Variants in SEMA6D observed in about 807,000 individuals in gnomAD.
SEMA6D encodes the protein semaphorin-6D.
SEMA6D carries 35 observed loss-of-function variants against 106.6 expected under a neutral mutation model. That is an observed-to-expected ratio of 0.33 (90% CI 0.25 to 0.44). The LOEUF (loss-of-function observed/expected upper bound fraction) is 0.44. SEMA6D is among the 20% of genes least tolerant of loss of function. The pLI is 1.00. For missense variants in SEMA6D, 1,185 were observed against 1,345.9 expected, an observed-to-expected ratio of 0.88 and a Z score of 1.87; for synonymous variants, 499 against 487.7, an observed-to-expected ratio of 1.02 and a Z score of -0.31.
intron 1 of SEMA6D, among the ~76,000 whole-genome samples, chr15:47,274,592 G>C (rs1439418381): frequency 1.3e-5 from 2 of 152,178 alleles, no homozygotes; most frequent in South Asian, 2.1e-4. Context: ...GAAGTAGACT[G>C]TGTGAAAAGA....
chr15:47,429,571 A>G (rs1310310018), intron 2 of SEMA6D, among the ~76,000 whole-genome samples: 1 of 152,228 alleles, frequency 6.6e-6, no homozygotes, highest in East Asian at 1.9e-4. Context: ...CAGAACACCA[A>G]CAAAATTATG....
chr15:47,759,092 G>A (rs1455886347), intron 1 of SEMA6D, among the ~76,000 whole-genome samples: 1 of 152,094 alleles, frequency 6.6e-6, no homozygotes, highest in Non-Finnish European at 1.5e-5. Context: ...GCCTTGCTTT[G>A]CTTGATTGGT....
chr15:47,413,604 C>G (rs940249093), intron 2 of SEMA6D, among the ~76,000 whole-genome samples: 3 of 152,058 alleles, frequency 2.0e-5, no homozygotes, highest in African/African-American at 7.2e-5. Flanking sequence ...CCACCTCAGC[C>G]TCCTGAGTAG....
chr15:47,293,401 GT>G (rs1312101731), intron 1 of SEMA6D, among the ~76,000 whole-genome samples: 5 of 152,138 alleles, frequency 3.3e-5, no homozygotes, highest in African/African-American at 1.2e-4. Context: ...ACAATTGTGC[GT>G]TGTTGCATTT....
At chr15:47,653,468 A>G (rs1218942968) in intron 4 of SEMA6D, among the ~76,000 whole-genome samples, 2 of 152,244 alleles carry the variant, frequency 1.3e-5, no homozygotes, top group Non-Finnish European at 2.9e-5. Context: ...CAAGACCTTT[A>G]GAGAACAGAG....
At chr15:47,614,392 T>A (rs1374807935) in intron 4 of SEMA6D, among the ~76,000 whole-genome samples, 1 of 152,236 alleles carries the variant, frequency 6.6e-6, no homozygotes, top group Admixed American at 6.5e-5. Flanking sequence ...TGCTGCTGTT[T>A]GTTGTATCAA....
intron 1 of SEMA6D, among the ~76,000 whole-genome samples, chr15:47,410,190 C>T (rs906190650): frequency 4.6e-5 from 7 of 151,622 alleles, no homozygotes; most frequent in Non-Finnish European, 8.8e-5. Flanking sequence ...CTCCATGTTG[C>T]CCAAGCTGGT....
chr15:47,701,467 A>C (rs1191023129), intron 4 of SEMA6D, among the ~76,000 whole-genome samples: 2 of 152,168 alleles, frequency 1.3e-5, no homozygotes, highest in Non-Finnish European at 2.9e-5. Context: ...TATAGTTAAT[A>C]ACAATGAATT....
intron 4 of SEMA6D, among the ~76,000 whole-genome samples, chr15:47,680,385 C>T (rs1268846776): frequency 2.6e-5 from 4 of 152,134 alleles, no homozygotes; most frequent in Admixed American, 6.5e-5. Context: ...GGGGTCACTT[C>T]GTTTATGAAT....
At chr15:47,769,235 A>G (rs2082505371) in intron 18 of SEMA6D, among the ~76,000 whole-genome samples, 2 of 152,310 alleles carry the variant, frequency 1.3e-5, no homozygotes, top group East Asian at 1.9e-4. Context: ...GTGCTCGTCC[A>G]TAACTATCAT....
chr15:47,365,986 A>G (rs1022188496), intron 1 of SEMA6D, among the ~76,000 whole-genome samples: 2 of 152,164 alleles, frequency 1.3e-5, no homozygotes, highest in Admixed American at 1.3e-4. Context: ...AGAACCTACC[A>G]CGTTTTTTTC....
chr15:47,346,952 A>C (rs1321025380), intron 1 of SEMA6D, among the ~76,000 whole-genome samples: 2 of 151,714 alleles, frequency 1.3e-5, no homozygotes, highest in African/African-American at 4.8e-5. Flanking sequence ...TCTGTCACCC[A>C]GGCTGGAGTG....
chr15:47,543,464 G>A (rs893625581), intron 3 of SEMA6D, among the ~76,000 whole-genome samples: 3 of 152,020 alleles, frequency 2.0e-5, no homozygotes, highest in African/African-American at 4.8e-5. Context: ...CTCCTCATTC[G>A]CCTTCAGCCA....
At chr15:47,475,383 G>A (rs906113783) in intron 3 of SEMA6D, among the ~76,000 whole-genome samples, 1 of 152,150 alleles carries the variant, frequency 6.6e-6, no homozygotes, top group East Asian at 1.9e-4. Flanking sequence ...AGAATGTCTT[G>A]AAGGTTCTAT....
In SEMA6D at chr15:47,474,895, C is replaced by T. The variant is rs563312138; in HGVS notation, c.-87+4350C>T. 5.3e-5 allele frequency among the ~76,000 whole-genome samples: 8 copies of T among 152,194 alleles called. No individual in the cohort carries two copies. The South Asian group carries it at 1.5e-3, about 28-fold the overall frequency. On this transcript the variant is annotated intron_variant, in intron 3 of 19. Transcript: ENST00000558014. ...TGCAATGCTTCATGATTCTATGGTA[C>T]GATGTTGCGGCACGATTTCATGGCC...
At chr15:47,352,246 T>A (rs190847130) in intron 1 of SEMA6D, among the ~76,000 whole-genome samples, 6 of 152,356 alleles carry the variant, frequency 3.9e-5, no homozygotes, top group Admixed American at 3.9e-4. Context: ...ACATTTATAG[T>A]GTACCAAACA....
intron 3 of SEMA6D, among the ~76,000 whole-genome samples, chr15:47,540,644 G>A (rs916995388): frequency 2.6e-5 from 4 of 152,168 alleles, no homozygotes; most frequent in African/African-American, 7.2e-5. Context: ...AATGAAGAGA[G>A]AAGACTGGCC....
chr15:47,199,758 C>A (rs188993184), intron 1 of SEMA6D, among the ~76,000 whole-genome samples: 3 of 152,080 alleles, frequency 2.0e-5, no homozygotes, highest in Non-Finnish European at 4.4e-5. Flanking sequence ...TTCTCAGTAC[C>A]AAAGTGTAGG....
intron 1 of SEMA6D, among the ~76,000 whole-genome samples, chr15:47,357,574 T>C (rs570008849): frequency 6.6e-6 from 1 of 152,166 alleles, no homozygotes; most frequent in East Asian, 1.9e-4. Context: ...GCAGGAAACA[T>C]CCAGCACGGG....
Sources: gnomAD v4.1 joint callset for allele counts (sites outside exome capture counted in the v4.1 genomes callset) on GRCh38, gnomAD v4.1.1 for gene constraint, MANE v1.5 for transcripts, NCBI Gene and HGNC (gene_info 2026-07-23, HGNC 2026-07-21) for gene names.